Variants in CDKN2B-AS1 observed in about 807,000 individuals in gnomAD.
CDKN2B-AS1 encodes CDKN2B and CDKN2A antisense cis and trans regulatory RNA 1.
intron 4 of CDKN2B-AS1, among the ~76,000 whole-genome samples, chr9:22,110,530 C>A (rs895022310): frequency 5.3e-5 from 8 of 152,084 alleles, no homozygotes; most frequent in Admixed American, 4.6e-4. Flanking sequence ...CTATGGATCC[C>A]ATCTTTTAAT....
In CDKN2B-AS1 at chr9:22,116,167, G is replaced by C. The variant is rs1264273528; in HGVS notation, n.439-10936G>C. On this transcript the variant is annotated intron_variant and non_coding_transcript_variant, in intron 4 of 4. Transcript: ENST00000650946. Reference sequence around the variant, plus strand: ...AGGATACTTTTATAATTGATAATTTGGACTAGATTATGCAATGTGTGATGA... The same window carrying C: ...AGGATACTTTTATAATTGATAATTTCGACTAGATTATGCAATGTGTGATGA... 1.3e-5 allele frequency among the ~76,000 whole-genome samples: 2 copies of C among 152,092 alleles called. 1 individual carries two copies. Among genetic ancestry groups the C allele is most frequent in the Non-Finnish European group, 2.9e-5 (2 of 68,024 alleles).
In CDKN2B-AS1 at chr9:22,042,866, T is replaced by G. The variant is rs150338520; in HGVS notation, n.30-3885T>G. ...AAGAATGGCTATACTTAAACCCTTCTAATCAATTATATCCTTAATATGTAT... is the reference window on the plus strand; with the variant it reads ...AAGAATGGCTATACTTAAACCCTTCGAATCAATTATATCCTTAATATGTAT... On this transcript the variant is annotated intron_variant and non_coding_transcript_variant, in intron 1 of 4. Transcript: ENST00000650946. 7.1e-3 allele frequency among the ~76,000 whole-genome samples: 1,081 copies of G among 152,260 alleles called. 7 individuals are homozygous for G. The highest frequency in any genetic ancestry group is 0.025 in the African/African-American group (1,029 of 41,562).
At chr9:22,032,154 G>A (rs1016741962) in intron 1 of CDKN2B-AS1, among the ~76,000 whole-genome samples, 3 of 152,000 alleles carry the variant, frequency 2.0e-5, no homozygotes, top group Non-Finnish European at 4.4e-5. Context: ...GGTTTTTTTT[G>A]GGGGGAGAAT....
Position 22,005,137 on chromosome 9 carries a change from TGTGTGA to T in CDKN2B-AS1, n.29+9977_29+9982del, listed in dbSNP as rs1821103671. On this transcript the variant is annotated intron_variant and non_coding_transcript_variant, in intron 1 of 4. Transcript: ENST00000650946. This position sits in a 1 kb window ranked among gnomAD's most constrained non-coding sequence, Gnocchi z 4.9. Reference sequence around the variant, plus strand: ...ATGTGTGTGTGTGTGTGTGTGTGTGTGTGTGAAAGAAAACGTTACAGTTAACCGTTA... The same window carrying T: ...ATGTGTGTGTGTGTGTGTGTGTGTGTAAGAAAACGTTACAGTTAACCGTTA... 4.3e-6 allele frequency: 1 copy of T among 232,916 alleles called. No homozygotes were observed. Among genetic ancestry groups the T allele is most frequent in the Non-Finnish European group, 8.5e-6 (1 of 118,016 alleles). 14.4% of individuals were successfully genotyped at this position (232,916 alleles called of 1,614,324 possible). A position where few individuals can be genotyped will look rare whatever the true frequency, so the allele number is the denominator to read the frequency against.
intron 4 of CDKN2B-AS1, among the ~76,000 whole-genome samples, chr9:22,073,111 T>G (rs1039434054): frequency 4.6e-5 from 7 of 152,184 alleles, no homozygotes; most frequent in Non-Finnish European, 1.0e-4. Flanking sequence ...CTCTTATTAA[T>G]TTCTATGAGA....
At chr9:22,062,668 A>G (rs1268122373) in intron 4 of CDKN2B-AS1, among the ~76,000 whole-genome samples, 1 of 151,768 alleles carries the variant, frequency 6.6e-6, no homozygotes, top group African/African-American at 2.4e-5. Flanking sequence ...GTGAGGTGAT[A>G]TTCTGTCATC....
At chr9:22,113,058 C>T (rs778289846) in intron 4 of CDKN2B-AS1, among the ~76,000 whole-genome samples, 1 of 152,132 alleles carries the variant, frequency 6.6e-6, no homozygotes, top group Non-Finnish European at 1.5e-5. Context: ...TAACAAGTCA[C>T]CACAAACTTA....
intron 4 of CDKN2B-AS1, among the ~76,000 whole-genome samples, chr9:22,117,387 G>A (rs967297506): frequency 4.6e-5 from 7 of 152,070 alleles, no homozygotes; most frequent in Non-Finnish European, 1.0e-4. Context: ...CTCCTCCCAG[G>A]GCACTTAAAT....
intron 1 of CDKN2B-AS1, among the ~76,000 whole-genome samples, chr9:22,037,051 T>C (rs181754708): frequency 2.2e-4 from 34 of 152,218 alleles, no homozygotes; most frequent in Admixed American, 1.9e-3. Flanking sequence ...TCTGGTTTCG[T>C]CACTACGCTG....
chr9:22,080,493 T>C (rs1009865227), intron 4 of CDKN2B-AS1, among the ~76,000 whole-genome samples: 1 of 152,206 alleles, frequency 6.6e-6, no homozygotes, highest in African/African-American at 2.4e-5. Flanking sequence ...CAGCCCTATT[T>C]GGGTTGAGAG....
At position 21,997,355 on chromosome 9, in the gene CDKN2B-AS1, A is replaced by G. The variant is rs1407238456; in HGVS notation, n.29+2194A>G. On this transcript the variant is annotated intron_variant and non_coding_transcript_variant, in intron 1 of 4. Coordinates refer to ENST00000650946, the Ensembl canonical transcript of CDKN2B-AS1. The surrounding 1 kb of genome is among the most constrained non-coding windows in gnomAD (Gnocchi z 4.8). The stretch of plus-strand genomic sequence containing the variant: ...CATTATAATCTTATGGGACACCACC[A>G]ATATGTGACTGTGGTTGACTGAAGC... Among the ~76,000 whole-genome samples, 1 of 152,186 alleles carries G rather than the reference A, an allele frequency of 6.6e-6. No individual in the cohort carries two copies. Among genetic ancestry groups the G allele is most frequent in the Non-Finnish European group, 1.5e-5 (1 of 68,032 alleles).
chr9:22,022,477 G>A (rs1439860671), intron 1 of CDKN2B-AS1, among the ~76,000 whole-genome samples: 2 of 151,950 alleles, frequency 1.3e-5, no homozygotes, highest in African/African-American at 2.4e-5. Context: ...TTGGAACCCT[G>A]CTTTTTTCTG....
chr9:22,066,928 A>T (rs1824068264), intron 4 of CDKN2B-AS1, among the ~76,000 whole-genome samples: 1 of 152,120 alleles, frequency 6.6e-6, no homozygotes, highest in Non-Finnish European at 1.5e-5. Flanking sequence ...ACATGGATGA[A>T]GCTGGAAACC....
At chr9:22,077,782 CT>C (rs1287572102) in intron 4 of CDKN2B-AS1, 2 of 152,290 alleles carry the variant, frequency 1.3e-5, no homozygotes, top group African/African-American at 4.8e-5. Context: ...CACTGATTAG[CT>C]GTATTATATT....
chr9:22,098,031 C>T (rs1253166553), intron 4 of CDKN2B-AS1, among the ~76,000 whole-genome samples: 1 of 152,088 alleles, frequency 6.6e-6, no homozygotes, highest in Admixed American at 6.5e-5. Flanking sequence ...TACTTGTCTC[C>T]TTGATTAGAA....
chr9:22,106,841 G>A (rs561264837), intron 4 of CDKN2B-AS1, among the ~76,000 whole-genome samples: 1 of 152,094 alleles, frequency 6.6e-6, no homozygotes, highest in Non-Finnish European at 1.5e-5. Flanking sequence ...GTATCTAATT[G>A]GATCTTAACA....
chr9:21,999,060 G>A lies in CDKN2B-AS1; in HGVS notation n.29+3899G>A, dbSNP rs948059472. On this transcript the variant is annotated intron_variant and non_coding_transcript_variant, in intron 1 of 4. Transcript: ENST00000650946. The surrounding 1 kb of genome is among the most constrained non-coding windows in gnomAD (Gnocchi z 4.7). ...AAGATAATCTTACTCATTAATAAATGTAAACAGAAACAATGGCATATAACC... is the reference window on the plus strand; with the variant it reads ...AAGATAATCTTACTCATTAATAAATATAAACAGAAACAATGGCATATAACC... Among the ~76,000 whole-genome samples, 3 of 152,020 alleles carry A rather than the reference G, an allele frequency of 2.0e-5. No homozygotes were observed. The highest frequency in any genetic ancestry group is 4.8e-5 in the African/African-American group (2 of 41,416).
intron 4 of CDKN2B-AS1, among the ~76,000 whole-genome samples, chr9:22,089,203 T>A (rs1224887861): frequency 6.6e-6 from 1 of 152,182 alleles, no homozygotes; most frequent in African/African-American, 2.4e-5. Context: ...AAAATTCAAC[T>A]GTAGGACTAA....
chr9:22,078,129 T>C (rs1191355988), intron 4 of CDKN2B-AS1, among the ~76,000 whole-genome samples: 2 of 152,230 alleles, frequency 1.3e-5, no homozygotes, highest in Admixed American at 1.3e-4. Context: ...ATATTTCTTA[T>C]AGTGTCTTGA....
Sources: gnomAD v4.1 joint callset for allele counts (sites outside exome capture counted in the v4.1 genomes callset) on GRCh38, gnomAD v4.1.1 for gene constraint, Gnocchi (gnomAD v3.1) non-coding constraint, MANE v1.5 for transcripts, NCBI Gene and HGNC (gene_info 2026-07-23, HGNC 2026-07-21) for gene names.